Variants in CCM2 observed in about 807,000 individuals in gnomAD.
The protein encoded by CCM2 is cerebral cavernous malformations 2 protein.
CCM2 carries 25 observed loss-of-function variants against 44.9 expected under a neutral mutation model. The observed-to-expected ratio is 0.56, with a 90% CI of 0.41 to 0.78. The LOEUF (loss-of-function observed/expected upper bound fraction) is 0.78. CCM2 is among the 30% of genes least tolerant of loss of function. The pLI is 0.00. For missense variants in CCM2, 481 were observed against 580.6 expected, an observed-to-expected ratio of 0.83 and a Z score of 1.76; for synonymous variants, 219 against 241.1, an observed-to-expected ratio of 0.91 and a Z score of 0.85.
intron 9 of CCM2, among the ~76,000 whole-genome samples, chr7:45,074,864 G>C (rs757938720): frequency 8.5e-5 from 13 of 152,200 alleles, no homozygotes; most frequent in Non-Finnish European, 1.9e-4. Flanking sequence ...GCGGCTAGAG[G>C]GCTGTGTGGT....
At chr7:45,069,181 C>T (rs556931905) in intron 5 of CCM2, among the ~76,000 whole-genome samples, 1 of 152,342 alleles carries the variant, frequency 6.6e-6, no homozygotes, top group East Asian at 1.9e-4. Flanking sequence ...TGCTAGTGAC[C>T]ACCCACCTTA....
chr7:45,013,188 ATTTC>A (rs777540875), intron 1 of CCM2, among the ~76,000 whole-genome samples: 8 of 151,826 alleles, frequency 5.3e-5, no homozygotes, highest in Non-Finnish European at 2.9e-5. Flanking sequence ...CATTAATATC[ATTTC>A]TTTCTTGTAC....
At chr7:45,074,569 C>G (rs928432467) in intron 9 of CCM2, among the ~76,000 whole-genome samples, 161 bp downstream of exon 9, 1 of 152,114 alleles carries the variant, frequency 6.6e-6, no homozygotes, top group Non-Finnish European at 1.5e-5. Context: ...GTCCAGAGAT[C>G]GGGGAATCTG....
At chr7:45,025,190 A>G (rs2128720596) in intron 1 of CCM2, among the ~76,000 whole-genome samples, 1 of 152,286 alleles carries the variant, frequency 6.6e-6, no homozygotes, top group South Asian at 2.1e-4. Flanking sequence ...AAATTTTCGT[A>G]AATTTTTTTA....
At chr7:45,009,131 A>C (rs1377413535) in intron 1 of CCM2, among the ~76,000 whole-genome samples, 1 of 151,794 alleles carries the variant, frequency 6.6e-6, no homozygotes, top group Non-Finnish European at 1.5e-5. Flanking sequence ...GCGAAATGCT[A>C]TCTCTACAAA....
chr7:45,055,447 G>A (rs1224289009), intron 2 of CCM2, among the ~76,000 whole-genome samples: 1 of 152,178 alleles, frequency 6.6e-6, no homozygotes, highest in Non-Finnish European at 1.5e-5. Context: ...CCAGCACTTT[G>A]GGAGGCTAAG....
At chr7:45,054,339 G>A (rs1407085870) in intron 2 of CCM2, among the ~76,000 whole-genome samples, 1 of 152,082 alleles carries the variant, frequency 6.6e-6, no homozygotes, top group African/African-American at 2.4e-5. Flanking sequence ...TGAGGACTAA[G>A]GTTCTCAAAG....
chr7:45,073,204 C>T, intron 7 of CCM2: 1 of 585,336 alleles, frequency 1.7e-6, no homozygotes, highest in Non-Finnish European at 3.1e-6. Flanking sequence ...CAATGCTGCC[C>T]ACTGCCTTGA....
chr7:45,070,049 GAATAGC>G, intron 6 of CCM2, 88 bp downstream of exon 6: 1 of 1,524,820 alleles, frequency 6.6e-7, no homozygotes, highest in Non-Finnish European at 9.0e-7. Context: ...GTTACTCCTG[GAATAGC>G]GCAGTTACTG....
intron 2 of CCM2, among the ~76,000 whole-genome samples, chr7:45,042,971 T>C (rs529031643): frequency 0.031 from 1,147 of 37,390 alleles, 6 homozygotes; most frequent in Admixed American, 0.049. Context: ...TCTTCTTCTT[T>C]TTTTTTTTTT....
At chr7:45,058,593 G>A (rs1270183452) in intron 2 of CCM2, among the ~76,000 whole-genome samples, 2 of 151,130 alleles carry the variant, frequency 1.3e-5, no homozygotes, top group African/African-American at 4.9e-5. Flanking sequence ...CCTTGCGATA[G>A]TTTGTTGAGA....
At chr7:45,030,455 C>A (rs933121884) in intron 1 of CCM2, among the ~76,000 whole-genome samples, 8 of 152,152 alleles carry the variant, frequency 5.3e-5, no homozygotes, top group African/African-American at 1.9e-4. Context: ...TCGTTCCTTC[C>A]AGACAGGGTC....
chr7:45,037,030 G>C (rs186122427), intron 1 of CCM2, among the ~76,000 whole-genome samples: 364 of 152,256 alleles, frequency 2.4e-3, no homozygotes, highest in African/African-American at 8.5e-3. Context: ...TTGCAGGCCT[G>C]CGTGATGTTT....
chr7:45,019,327 C>T (rs747311368), intron 1 of CCM2, among the ~76,000 whole-genome samples: 10 of 151,932 alleles, frequency 6.6e-5, no homozygotes, highest in East Asian at 3.9e-4. Context: ...CTCCTGCTTC[C>T]GCCTCCTGGG....
chr7:45,015,312 C>T (rs2128716088), intron 1 of CCM2, among the ~76,000 whole-genome samples: 1 of 152,208 alleles, frequency 6.6e-6, no homozygotes, highest in African/African-American at 2.4e-5. Context: ...AGTGTATTTG[C>T]TTTTTTGCTC....
chr7:45,030,257 AGTG>A (rs546015328), intron 1 of CCM2, among the ~76,000 whole-genome samples: 139 of 152,318 alleles, frequency 9.1e-4, no homozygotes, highest in African/African-American at 3.1e-3. Flanking sequence ...AAGATCATTT[AGTG>A]GTGATGAACA....
At chr7:45,049,819 C>T (rs1291472770) in intron 2 of CCM2, among the ~76,000 whole-genome samples, 1 of 151,798 alleles carries the variant, frequency 6.6e-6, no homozygotes, top group African/African-American at 2.4e-5. Flanking sequence ...GGTTCTTCAC[C>T]TGAGTCAAGC....
chr7:45,056,859 T>A (rs1798288155), intron 2 of CCM2, among the ~76,000 whole-genome samples: 1 of 152,240 alleles, frequency 6.6e-6, no homozygotes, highest in African/African-American at 2.4e-5. Flanking sequence ...TTGCCTGTGC[T>A]TTTGGTGTGA....
At chr7:45,062,065 A>G (rs1160534990) in intron 2 of CCM2, among the ~76,000 whole-genome samples, 4 of 151,986 alleles carry the variant, frequency 2.6e-5, no homozygotes, top group Admixed American at 1.3e-4. Context: ...CTGTCTCTCC[A>G]TCTTTGGGGT....
Sources: allele counts gnomAD v4.1 joint callset (sites outside exome capture counted in the v4.1 genomes callset), GRCh38; gene constraint gnomAD v4.1.1; transcripts MANE v1.5; gene names NCBI Gene and HGNC (gene_info 2026-07-23, HGNC 2026-07-21).